TNR: variants seen among roughly 807,000 people sequenced by gnomAD.
TNR encodes the protein tenascin-R.
TNR carries 45 observed loss-of-function variants against 150.4 expected under a neutral mutation model. The ratio of observed to expected loss-of-function variants is 0.30; its 90% CI spans 0.24 to 0.38. The LOEUF is 0.38. TNR is among the 10% of genes least tolerant of loss of function. The pLI, the probability that TNR is intolerant of heterozygous loss-of-function variation, is 1.00. For missense variants in TNR, 1,544 were observed against 1,759.1 expected (o/e 0.88, Z 2.19); for synonymous variants, 687 against 678.4 (o/e 1.01, Z -0.20).
In TNR at chr1:175,507,435, A is replaced by C. The variant is rs780384455; in HGVS notation, c.-64+20834T>G. ...AACTGAACACTCCTATGTGCCAGGA[A>C]TGTTACATGAGTCCTTTGATATCAT... On this transcript the variant is annotated intron_variant, in intron 2 of 22. Transcript: ENST00000367674. 2.8e-4 allele frequency among the ~76,000 whole-genome samples: 43 copies of C among 152,326 alleles called. 1 individual carries two copies. The highest frequency in any genetic ancestry group is 5.7e-4 in the Non-Finnish European group (39 of 68,018).
At position 175,519,581 on chromosome 1, in the gene TNR, C is replaced by T. The variant is rs117569217; in HGVS notation, c.-64+8688G>A. ...TCCTCTTCATGGAGAGATGCATCTG[C>T]TCTTCCATTTCTTGGCCATTATCAC... On this transcript the variant is annotated intron_variant, in intron 2 of 22. Coordinates refer to ENST00000367674, the MANE Select transcript of TNR (RefSeq NM_003285.3). Among the ~76,000 whole-genome samples, 146 of 152,308 alleles carry T rather than the reference C, an allele frequency of 9.6e-4. 1 individual carries two copies. In the East Asian group the frequency reaches 0.025, roughly 27 times the overall value.
intron 1 of TNR, among the ~76,000 whole-genome samples, chr1:175,555,474 G>A (rs1352639701): frequency 6.9e-6 from 1 of 145,778 alleles, no homozygotes; most frequent in Non-Finnish European, 1.5e-5. Flanking sequence ...CACACTGCCT[G>A]ATTCATAAGC....
intron 4 of TNR, among the ~76,000 whole-genome samples, chr1:175,401,684 T>C (rs1031808024): frequency 6.6e-6 from 1 of 152,176 alleles, no homozygotes; most frequent in Non-Finnish European, 1.5e-5. Context: ...AAGTTACATG[T>C]GCGGGAACAT....
intron 1 of TNR, among the ~76,000 whole-genome samples, chr1:175,709,763 C>T (rs1470614520): frequency 7.2e-5 from 11 of 152,134 alleles, no homozygotes; most frequent in Admixed American, 3.3e-4. Context: ...TTGGCCTCTT[C>T]GCAGCATTTG....
chr1:175,419,437 C>T (rs1654652305), intron 2 of TNR, among the ~76,000 whole-genome samples: 1 of 151,960 alleles, frequency 6.6e-6, no homozygotes, highest in Non-Finnish European at 1.5e-5. Context: ...CGTGTGGGAT[C>T]CATATAGGTT....
chr1:175,617,854 TTTTCAAAGTAGTTTTCA>T (rs931877138), intron 1 of TNR, among the ~76,000 whole-genome samples: 16 of 152,362 alleles, frequency 1.1e-4, no homozygotes, highest in African/African-American at 3.8e-4. Context: ...AATCTTTATC[TTTTCAAAGTAGTTTTCA>T]TTTTACCCAT....
chr1:175,372,654 C>T (rs1048604118), intron 9 of TNR, among the ~76,000 whole-genome samples: 6 of 152,212 alleles, frequency 3.9e-5, no homozygotes, highest in Non-Finnish European at 7.3e-5. Context: ...TGCCTGCTGT[C>T]GCTAGCAGGG....
intron 1 of TNR, among the ~76,000 whole-genome samples, chr1:175,559,821 T>G (rs7540211): frequency 0.18 from 27,678 of 152,156 alleles, 2,759 homozygotes; most frequent in East Asian, 0.42. Flanking sequence ...AGTGCAAGAA[T>G]TTTTTAGGTT....
chr1:175,467,132 G>A (rs904768445), intron 2 of TNR, among the ~76,000 whole-genome samples: 5 of 151,842 alleles, frequency 3.3e-5, no homozygotes, highest in African/African-American at 4.8e-5. Flanking sequence ...ATTATTATTC[G>A]ATGCAGAGAA....
At position 175,667,761 on chromosome 1, in the gene TNR, C is replaced by T. The variant is rs1364367772; in HGVS notation, c.-165+75465G>A. Among the ~76,000 whole-genome samples the T allele has an allele frequency of 2.6e-5, 4 of 152,204 alleles. No homozygotes were observed. In the East Asian group the frequency reaches 7.7e-4, roughly 29 times the overall value. Reference sequence around the variant, plus strand: ...TTCCCTTACCTGATTGTTCATGCACCCACTTCCTTCTCTCCTCCTGCCTGT... The same window carrying T: ...TTCCCTTACCTGATTGTTCATGCACTCACTTCCTTCTCTCCTCCTGCCTGT... On this transcript the variant is annotated intron_variant, in intron 1 of 22. Transcript: ENST00000367674.
intron 1 of TNR, among the ~76,000 whole-genome samples, chr1:175,674,549 C>T (rs1449315321): frequency 6.6e-6 from 1 of 152,222 alleles, no homozygotes; most frequent in African/African-American, 2.4e-5. Flanking sequence ...CCCATACTGG[C>T]CTTACTACAT....
At chr1:175,582,441 G>A (rs1290257302) in intron 1 of TNR, among the ~76,000 whole-genome samples, 2 of 152,182 alleles carry the variant, frequency 1.3e-5, no homozygotes, top group Non-Finnish European at 2.9e-5. Flanking sequence ...AAAGACAGTT[G>A]CACCATCACA....
chr1:175,522,564 A>T lies in TNR; in HGVS notation c.-64+5705T>A, dbSNP rs185690227. On this transcript the variant is annotated intron_variant, in intron 2 of 22. Transcript: ENST00000367674. ...CCAATAACCTATGGAAATAAAAAAT[A>T]AAAAAAAATTGCTTTCTTAAATAGA... 1.4e-4 allele frequency among the ~76,000 whole-genome samples: 20 copies of T among 138,656 alleles called. No homozygotes were observed. The East Asian group carries it at 2.7e-3, about 19-fold the overall frequency. 91.0% of individuals were successfully genotyped at this position (138,656 alleles called of 152,430 possible). A position where few individuals can be genotyped will look rare whatever the true frequency, so the allele number is the denominator to read the frequency against.
intron 2 of TNR, among the ~76,000 whole-genome samples, chr1:175,429,089 A>G (rs1655141794): frequency 6.6e-6 from 1 of 152,206 alleles, no homozygotes; most frequent in African/African-American, 2.4e-5. Flanking sequence ...ATGGTGCTCT[A>G]GAATATTCTA....
intron 3 of TNR, among the ~76,000 whole-genome samples, chr1:175,404,961 T>C (rs1200098746): frequency 6.6e-6 from 1 of 152,368 alleles, no homozygotes; most frequent in East Asian, 1.9e-4. Context: ...TGACTGCCTC[T>C]AGACTTGCTG....
intron 3 of TNR, among the ~76,000 whole-genome samples, chr1:175,405,895 G>A (rs888708712): frequency 6.6e-6 from 1 of 152,154 alleles, no homozygotes; most frequent in Non-Finnish European, 1.5e-5. Context: ...GCTCGCCATC[G>A]AAGTTGCTGT....
chr1:175,386,103 C>G lies in TNR; in HGVS notation c.1706G>C (p.Arg569Pro), dbSNP rs776579268. The G allele has an allele frequency of 1.9e-6, 3 of 1,612,548 alleles. No homozygotes were observed. The highest frequency in any genetic ancestry group is 1.3e-5 in the African/African-American group (1 of 74,880). ...YSVQALRPGS[R>P]YEVSVSAVRG... is the part of the protein sequence containing the mutation. ...GACGGCACTGACTGACACCTCGTAT[C>G]GGGAGCCAGGCCGCAGGGCCTGCAC... is the stretch of plus-strand genomic sequence containing the variant. The change falls in exon 8 of 23, where the codon CGA becomes CCA. Residue 569 changes from arginine (R) to proline (P), a missense_variant. Around this residue, in one of 2 missense-constraint regions of TNR, gnomAD observed 1,254 missense variants for 1,329.4 expected, o/e 0.94. Coordinates refer to ENST00000367674, the MANE Select transcript of TNR (RefSeq NM_003285.3).
rs541554093 is a variant in TNR, at chr1:175,346,805, C to T, written c.3382+7586G>A. On this transcript the variant is annotated intron_variant, in intron 18 of 22. Transcript: ENST00000367674. ...GTTTCCTATTCCAAAAACAAAGAAA[C>T]GAAAAGACACAAACAAAACAATAAC... Among the ~76,000 whole-genome samples the T allele has an allele frequency of 1.7e-4, 25 of 146,888 alleles. No individual in the cohort carries two copies. In the South Asian group the frequency reaches 1.7e-3, roughly 10 times the overall value.
chr1:175,731,277 T>C (rs1179165216), intron 1 of TNR, among the ~76,000 whole-genome samples: 1 of 152,186 alleles, frequency 6.6e-6, no homozygotes, highest in Admixed American at 6.5e-5. Flanking sequence ...GTTAGTATGG[T>C]TGCGATCTCA....
Sources: allele counts gnomAD v4.1 joint callset (sites outside exome capture counted in the v4.1 genomes callset), GRCh38; gene constraint gnomAD v4.1.1; regional missense constraint gnomAD v4.1.1; transcripts MANE v1.5; gene names NCBI Gene and HGNC (gene_info 2026-07-23, HGNC 2026-07-21).